The following SORCS3 variants were observed in gnomAD, a reference collection of about 807,000 sequenced individuals.
SORCS3 encodes the protein VPS10 domain-containing receptor SorCS3.
A neutral mutation model predicts 146.3 loss-of-function variants in SORCS3; 57 were observed. The observed-to-expected ratio is 0.39, with a 90% CI of 0.31 to 0.49. SORCS3 has a LOEUF of 0.49. Among genes scored for constraint, SORCS3 ranks in the 20% least tolerant of loss-of-function variants. The pLI is 0.92. For missense variants in SORCS3, 1,341 were observed against 1,575.5 expected, an observed-to-expected ratio of 0.85 and a Z score of 2.52; for synonymous variants, 653 against 618.5, an observed-to-expected ratio of 1.06 and a Z score of -0.83.
chr10:105,003,805 A>G (rs1997066), intron 4 of SORCS3, among the ~76,000 whole-genome samples: 8,117 of 152,098 alleles, frequency 0.053, 252 homozygotes, highest in Middle Eastern at 0.082. Context: ...GAAAATGTTT[A>G]TGCCAACAGT....
chr10:104,706,847 T>G (rs2016343325), intron 1 of SORCS3, among the ~76,000 whole-genome samples: 1 of 152,212 alleles, frequency 6.6e-6, no homozygotes, highest in Non-Finnish European at 1.5e-5. Flanking sequence ...TATAATGACT[T>G]TTTCTTCTAA....
chr10:105,168,278 G>A (rs1281586545), intron 13 of SORCS3, among the ~76,000 whole-genome samples: 1 of 152,142 alleles, frequency 6.6e-6, no homozygotes, highest in Non-Finnish European at 1.5e-5. Flanking sequence ...GGAGCTGACA[G>A]TGTATATGCA....
At chr10:105,159,200 T>C (rs1385096) in intron 11 of SORCS3, among the ~76,000 whole-genome samples, 15,379 of 152,164 alleles carry the variant, frequency 0.1, 875 homozygotes, top group Middle Eastern at 0.16. Context: ...CTCATGCATC[T>C]TCCCCCCAGA....
intron 1 of SORCS3, among the ~76,000 whole-genome samples, chr10:104,787,271 G>C (rs2017449492): frequency 6.6e-6 from 1 of 152,176 alleles, no homozygotes; most frequent in Non-Finnish European, 1.5e-5. Flanking sequence ...TAGGGGGTAA[G>C]GTTGACTTTT....
intron 7 of SORCS3, among the ~76,000 whole-genome samples, chr10:105,133,047 C>T (rs11192332): frequency 0.19 from 29,212 of 152,130 alleles, 3,020 homozygotes; most frequent in Admixed American, 0.24. Context: ...ATGCATCAGC[C>T]TGCTTTTACC....
chr10:104,713,724 T>C (rs1441940819), intron 1 of SORCS3, among the ~76,000 whole-genome samples: 4 of 152,222 alleles, frequency 2.6e-5, no homozygotes, highest in Non-Finnish European at 5.9e-5. Flanking sequence ...TACATGTGTG[T>C]TCATGAGAGA....
At position 104,836,138 on chromosome 10, in the gene SORCS3, G is replaced by C. The variant is rs548202721; in HGVS notation, c.628-6654G>C. Among the ~76,000 whole-genome samples the C allele has an allele frequency of 7.2e-5, 11 of 152,222 alleles. No individual in the cohort carries two copies. In the East Asian group the frequency reaches 1.9e-3, roughly 27 times the overall value. ...GTGAATTTAGACCAGGAGATATTTA[G>C]GATTTTTGGGTGGAATAGGGACTGA... On this transcript the variant is annotated intron_variant, in intron 1 of 26. Coordinates refer to ENST00000369701, the MANE Select transcript of SORCS3 (RefSeq NM_014978.3).
chr10:104,737,998 A>G (rs1005070454), intron 1 of SORCS3, among the ~76,000 whole-genome samples: 1 of 151,762 alleles, frequency 6.6e-6, no homozygotes, highest in Non-Finnish European at 1.5e-5. Flanking sequence ...ACATATGGCT[A>G]GCCAATTTTC....
chr10:104,769,033 T>C (rs2017215630), intron 1 of SORCS3, among the ~76,000 whole-genome samples: 1 of 152,220 alleles, frequency 6.6e-6, no homozygotes, highest in Non-Finnish European at 1.5e-5. Context: ...TCCTTGCTTC[T>C]GTGTCTCCCC....
intron 1 of SORCS3, among the ~76,000 whole-genome samples, chr10:104,727,475 C>G (rs1207487408): frequency 6.6e-6 from 1 of 151,316 alleles, no homozygotes; most frequent in African/African-American, 2.4e-5. Context: ...ATTTCCATGT[C>G]TTTAAAAAAA....
At chr10:104,771,616 A>G (rs2017250700) in intron 1 of SORCS3, among the ~76,000 whole-genome samples, 2 of 152,170 alleles carry the variant, frequency 1.3e-5, no homozygotes, top group Non-Finnish European at 2.9e-5. Context: ...TTGCACAGGC[A>G]TGGCCTCTCC....
At chr10:105,051,156 G>A (rs975820358) in intron 5 of SORCS3, among the ~76,000 whole-genome samples, 1 of 152,148 alleles carries the variant, frequency 6.6e-6, no homozygotes, top group African/African-American at 2.4e-5. Context: ...AAATATCTGT[G>A]TATGTACATA....
intron 1 of SORCS3, among the ~76,000 whole-genome samples, chr10:104,703,588 G>A (rs1026054980): frequency 6.6e-6 from 1 of 151,894 alleles, no homozygotes; most frequent in East Asian, 1.9e-4. Context: ...ACAATACACC[G>A]GGGCCTGCTG....
rs1013148526 is a variant in SORCS3 at position 105,214,508 on chromosome 10, G to A, written c.2442G>A (p.Gln814=). ...GLREKYTAKA[Q]MCPGKAPRGL... ...GGGAGAAGTACACCGCCAAGGCCCA[G>A]ATGTGCCCTGGAAAAGCCCCTCGGG... is the stretch of plus-strand genomic sequence containing the variant. Residue 814 remains glutamine (Q), a synonymous_variant, in exon 18 of 27, where the codon CAG becomes CAA. Transcript: ENST00000369701. 2 of 1,614,066 alleles carry A rather than the reference G, an allele frequency of 1.2e-6. No individual in the cohort carries two copies. Among genetic ancestry groups the A allele is most frequent in the African/African-American group, 2.7e-5 (2 of 74,932 alleles).
At chr10:105,199,213 G>A (rs12359507) in intron 14 of SORCS3, among the ~76,000 whole-genome samples, 11,821 of 151,846 alleles carry the variant, frequency 0.078, 652 homozygotes, top group Admixed American at 0.15. Flanking sequence ...CCCGAGTAGA[G>A]TATGGATGAT....
chr10:104,902,942 C>T (rs2018866952), intron 2 of SORCS3, among the ~76,000 whole-genome samples: 2 of 152,136 alleles, frequency 1.3e-5, no homozygotes, highest in South Asian at 4.2e-4. Flanking sequence ...TATAGCTTTC[C>T]AATAGGAAAT....
At chr10:104,967,169 A>C (rs559254531) in intron 3 of SORCS3, among the ~76,000 whole-genome samples, 4 of 152,122 alleles carry the variant, frequency 2.6e-5, no homozygotes, top group Non-Finnish European at 1.5e-5. Flanking sequence ...TGTTCATTCA[A>C]AGCAGCAATT....
intron 2 of SORCS3, among the ~76,000 whole-genome samples, chr10:104,843,345 T>C (rs1349267613): frequency 6.6e-6 from 1 of 152,200 alleles, no homozygotes; most frequent in Non-Finnish European, 1.5e-5. Flanking sequence ...GATGATGTTC[T>C]GATCCCCAGG....
intron 3 of SORCS3, among the ~76,000 whole-genome samples, chr10:104,958,080 C>G (rs1174328498): frequency 1.3e-5 from 2 of 152,098 alleles, no homozygotes; most frequent in African/African-American, 4.8e-5. Flanking sequence ...ATTTTTCCTC[C>G]TGCTTTCTAT....
Sources: allele counts gnomAD v4.1 joint callset (sites outside exome capture counted in the v4.1 genomes callset), GRCh38; gene constraint gnomAD v4.1.1; transcripts MANE v1.5; gene names NCBI Gene and HGNC (gene_info 2026-07-23, HGNC 2026-07-21).